RGS9: variants seen among roughly 807,000 people sequenced by gnomAD.
RGS9 encodes regulator of G protein signaling 9.
Under a neutral mutation model 102.0 loss-of-function variants are expected in RGS9, and 78 were observed. The ratio of observed to expected loss-of-function variants is 0.76; its 90% CI spans 0.64 to 0.92. The LOEUF (loss-of-function observed/expected upper bound fraction) is 0.92, where lower values mean the gene tolerates loss of function less well. RGS9 is among the 40% of genes least tolerant of loss of function. The probability of loss-of-function intolerance (pLI) is 0.00; values close to 1 mark genes in which losing one functional copy is unlikely to be tolerated. For missense variants in RGS9, 833 were observed against 866.1 expected (o/e 0.96, Z 0.48); for synonymous variants, 353 against 318.6 (o/e 1.11, Z -1.15).
chr17:65,143,554 G>C (rs781315912), intron 1 of RGS9, among the ~76,000 whole-genome samples: 2 of 152,090 alleles, frequency 1.3e-5, no homozygotes, highest in Non-Finnish European at 2.9e-5. Context: ...GGCCAAGGTG[G>C]GTGGATCACT....
intron 12 of RGS9, among the ~76,000 whole-genome samples, chr17:65,194,058 A>G (rs1912487104): frequency 6.6e-6 from 1 of 152,210 alleles, no homozygotes; most frequent in South Asian, 2.1e-4. Context: ...TATGTCACTA[A>G]ATCGATACAG....
rs114796587 is a variant in RGS9, at chr17:65,145,084, T to C, written c.57+7487T>C. Among the ~76,000 whole-genome samples the C allele has an allele frequency of 2.6e-3, 402 of 152,202 alleles. 1 individual carries two copies. Among genetic ancestry groups the C allele is most frequent in the African/African-American group, 9.0e-3 (373 of 41,526 alleles). On this transcript the variant is annotated intron_variant, in intron 1 of 18. Coordinates refer to ENST00000262406, the MANE Select transcript of RGS9 (RefSeq NM_003835.4). ...CCACTCCATGACCTCATTTCACCGC[T>C]TTATTTTATTTTTTTATTTTTATTG...
chr17:65,169,615 C>T (rs1288263231), intron 8 of RGS9, among the ~76,000 whole-genome samples: 1 of 152,208 alleles, frequency 6.6e-6, no homozygotes, highest in Non-Finnish European at 1.5e-5. Flanking sequence ...TGTGCAGAGA[C>T]TCCTCACTGT....
intron 10 of RGS9, 85 bp downstream of exon 10, chr17:65,189,400 T>G: frequency 9.4e-7 from 1 of 1,062,666 alleles, no homozygotes; most frequent in Non-Finnish European, 1.5e-6. Flanking sequence ...CTGCGCTTGG[T>G]AATGAAATGA....
intron 14 of RGS9, 45 bp from the exon 15 acceptor site, chr17:65,204,118 T>G (rs752666021): frequency 5.0e-5 from 81 of 1,610,556 alleles, no homozygotes; most frequent in Admixed American, 8.3e-5. Flanking sequence ...ATCCATGAAT[T>G]GACTTGGTTT....
intron 1 of RGS9, among the ~76,000 whole-genome samples, chr17:65,141,632 A>G (rs1054011402): frequency 2.6e-5 from 4 of 152,194 alleles, no homozygotes; most frequent in Non-Finnish European, 5.9e-5. Flanking sequence ...AGAAAGACAG[A>G]TGTATAAACA....
intron 17 of RGS9, among the ~76,000 whole-genome samples, chr17:65,220,365 G>A (rs1913662186): frequency 6.6e-6 from 1 of 152,214 alleles, no homozygotes. Flanking sequence ...TCCTCTGTCT[G>A]CAGCTTCTAG....
Position 65,161,043 on chromosome 17 carries a change from G to A in RGS9, c.423+134G>A, listed in dbSNP as rs536615331. The A allele has an allele frequency of 4.3e-5, 32 of 749,738 alleles. No individual in the cohort carries two copies. In the Admixed American group the frequency reaches 5.9e-4, roughly 14 times the overall value. The allele number at this position is 749,738 out of a possible 1,614,324, so 46.4% of individuals were successfully genotyped here. On this transcript the variant is annotated intron_variant, in intron 6 of 18. Coordinates refer to ENST00000262406, the MANE Select transcript of RGS9 (RefSeq NM_003835.4). ...TGCAATCCATCCAGCCAGCCAGCTA[G>A]CCATCCATTTATTAATTAGAAGCAG... is the stretch of plus-strand genomic sequence containing the variant.
At chr17:65,141,595 A>G (rs1910159691) in intron 1 of RGS9, among the ~76,000 whole-genome samples, 1 of 152,216 alleles carries the variant, frequency 6.6e-6, no homozygotes, top group African/African-American at 2.4e-5. Context: ...AGGTGCTGGG[A>G]GCACCAAGGA....
chr17:65,208,604 C>A lies in RGS9; in HGVS notation c.1289+597C>A, dbSNP rs577506407. Among the ~76,000 whole-genome samples the A allele has an allele frequency of 1.2e-4, 19 of 152,268 alleles. 1 individual carries two copies. The highest frequency in any genetic ancestry group is 6.8e-3 in the Middle Eastern group (2 of 294). On this transcript the variant is annotated intron_variant, in intron 16 of 18. Transcript: ENST00000262406. ...AATGTCCTGAGGGGCAGATTGAACT[C>A]TTTTCCGGGGGAATTCAATCTACAA...
intron 9 of RGS9, among the ~76,000 whole-genome samples, chr17:65,181,830 G>A (rs1473632916): frequency 6.6e-6 from 1 of 152,224 alleles, no homozygotes; most frequent in African/African-American, 2.4e-5. Context: ...TTCATCAGAG[G>A]ATTAAGCAGG....
At chr17:65,179,635 C>CTGTGTGTGTG (rs56275900) in intron 9 of RGS9, among the ~76,000 whole-genome samples, 2,153 of 125,014 alleles carry the variant, frequency 0.017, 37 homozygotes, top group African/African-American at 0.039. Flanking sequence ...TACTGCTCAG[C>CTGTGTGTGTG]TGTGTGTGTG....
intron 14 of RGS9, among the ~76,000 whole-genome samples, chr17:65,202,590 G>A (rs1912901637): frequency 6.6e-6 from 1 of 152,040 alleles, no homozygotes; most frequent in Non-Finnish European, 1.5e-5. Flanking sequence ...GCAGCTTGGG[G>A]TACAAACATG....
chr17:65,209,337 C>T (rs746468505), intron 16 of RGS9, among the ~76,000 whole-genome samples: 1 of 152,170 alleles, frequency 6.6e-6, no homozygotes, highest in Non-Finnish European at 1.5e-5. Context: ...ATGTCAGTGT[C>T]AGGCTTTACA....
chr17:65,206,002 T>C (rs1246000676), intron 15 of RGS9, among the ~76,000 whole-genome samples: 5 of 152,090 alleles, frequency 3.3e-5, no homozygotes, highest in African/African-American at 1.2e-4. Flanking sequence ...ATGAGATAGG[T>C]TATATGATGT....
At chr17:65,176,710 A>ACCATCCATCCAT (rs3034105) in intron 8 of RGS9, among the ~76,000 whole-genome samples, 19 of 147,254 alleles carry the variant, frequency 1.3e-4, no homozygotes, top group Admixed American at 4.1e-4. Flanking sequence ...TACTCACTCA[A>ACCATCCATCCAT]CCATCCATCC....
At position 65,204,184 on chromosome 17, in the gene RGS9, G is replaced by A. The variant is rs748367780; in HGVS notation, c.1086G>A (p.Ala362=). 53 of 1,612,588 alleles carry A rather than the reference G, an allele frequency of 3.3e-5. No homozygotes were observed. Among genetic ancestry groups the A allele is most frequent in the Non-Finnish European group, 3.4e-5 (40 of 1,180,024 alleles). Reference sequence around the variant, plus strand: ...CCAGGCTGTTCCTGGCCCCGGGGGCGAGGCGCTGGATCAACATAGATGGCA... The same window carrying A: ...CCAGGCTGTTCCTGGCCCCGGGGGCAAGGCGCTGGATCAACATAGATGGCA... ...EIYKLFLAPG[A]RRWINIDGKT... Residue 362 remains alanine (A), a synonymous_variant, in exon 15 of 19, where the codon GCG becomes GCA. Coordinates refer to ENST00000262406, the MANE Select transcript of RGS9 (RefSeq NM_003835.4).
intron 6 of RGS9, among the ~76,000 whole-genome samples, chr17:65,161,552 C>G (rs867436571): frequency 6.6e-6 from 1 of 151,160 alleles, no homozygotes; most frequent in Non-Finnish European, 1.5e-5. Flanking sequence ...GTGCCTGGCC[C>G]GAACTTCAAT....
chr17:65,217,134 C>G (rs550529097), intron 17 of RGS9, among the ~76,000 whole-genome samples: 1 of 152,152 alleles, frequency 6.6e-6, no homozygotes, highest in Non-Finnish European at 1.5e-5. Flanking sequence ...TGGCCAGCAG[C>G]GTTGAGCAGA....
Sources: allele counts gnomAD v4.1 joint callset (sites outside exome capture counted in the v4.1 genomes callset), GRCh38; gene constraint gnomAD v4.1.1; transcripts MANE v1.5; gene names NCBI Gene and HGNC (gene_info 2026-07-23, HGNC 2026-07-21).